NPAS3: variants seen among roughly 807,000 people sequenced by gnomAD.
NPAS3 encodes neuronal PAS domain protein 3.
Under a neutral mutation model 73.1 loss-of-function variants are expected in NPAS3, and 14 were observed. The observed-to-expected ratio is 0.19, with a 90% CI of 0.13 to 0.30. The LOEUF is 0.30. NPAS3 is among the 10% of genes least tolerant of loss of function. NPAS3 has a pLI of 1.00. For synonymous variants in NPAS3, 620 were observed against 541.5 expected, an observed-to-expected ratio of 1.14 and a Z score of -2.01; for missense variants, 1,096 against 1,250.0, an observed-to-expected ratio of 0.88 and a Z score of 1.86.
chr14:33,789,989 T>C (rs1381089107), intron 9 of NPAS3, among the ~76,000 whole-genome samples: 1 of 152,042 alleles, frequency 6.6e-6, no homozygotes, highest in Non-Finnish European at 1.5e-5. Flanking sequence ...TTTTGGAGAG[T>C]AGAAAGTAAA....
intron 4 of NPAS3, among the ~76,000 whole-genome samples, chr14:33,552,747 G>A (rs188044964): frequency 3.2e-4 from 48 of 152,064 alleles, no homozygotes; most frequent in Admixed American, 2.2e-3. Flanking sequence ...TCTAGCCAAA[G>A]CAAAGCAGTG....
intron 7 of NPAS3, among the ~76,000 whole-genome samples, chr14:33,759,878 A>C (rs1028420973): frequency 6.6e-5 from 10 of 152,248 alleles, no homozygotes; most frequent in Non-Finnish European, 1.0e-4. Flanking sequence ...GGCATTTAGC[A>C]TAATGGATAT....
intron 2 of NPAS3, among the ~76,000 whole-genome samples, chr14:33,141,900 A>T (rs532309689): frequency 6.6e-6 from 1 of 152,328 alleles, no homozygotes; most frequent in South Asian, 2.1e-4. Context: ...TGTGAGGATG[A>T]CATCATTTCG....
At chr14:33,119,182 T>C (rs2043154514) in intron 2 of NPAS3, among the ~76,000 whole-genome samples, 1 of 152,104 alleles carries the variant, frequency 6.6e-6, no homozygotes, top group Admixed American at 6.6e-5. Context: ...GCAAATAAAT[T>C]ACATGAAAAT....
intron 3 of NPAS3, among the ~76,000 whole-genome samples, chr14:33,216,845 T>C (rs2047241707): frequency 1.3e-5 from 2 of 152,304 alleles, no homozygotes; most frequent in South Asian, 4.1e-4. Flanking sequence ...AAGGACAGGA[T>C]GTCAGTCAAA....
At chr14:33,552,755 G>A (rs530142741) in intron 4 of NPAS3, among the ~76,000 whole-genome samples, 1 of 152,146 alleles carries the variant, frequency 6.6e-6, no homozygotes, top group Non-Finnish European at 1.5e-5. Flanking sequence ...AAGCAAAGCA[G>A]TGACATTTTT....
chr14:33,089,596 C>A (rs1375111306), intron 2 of NPAS3, among the ~76,000 whole-genome samples: 2 of 152,184 alleles, frequency 1.3e-5, no homozygotes, highest in African/African-American at 4.8e-5. Context: ...TCCAGGAGAA[C>A]TTCCCCAACC....
intron 4 of NPAS3, among the ~76,000 whole-genome samples, chr14:33,488,995 A>C (rs11156793): frequency 0.32 from 47,908 of 152,068 alleles, 13,196 homozygotes; most frequent in African/African-American, 0.74. Flanking sequence ...TTCTCCCTGA[A>C]TGCTATAGCA....
intron 1 of NPAS3, among the ~76,000 whole-genome samples, chr14:32,959,835 A>G (rs973454773): frequency 6.6e-6 from 1 of 152,174 alleles, no homozygotes; most frequent in Non-Finnish European, 1.5e-5. Context: ...GATGGTATCT[A>G]TGTTCTTTCT....
chr14:33,272,874 G>T (rs569187925), intron 3 of NPAS3, among the ~76,000 whole-genome samples: 2 of 152,268 alleles, frequency 1.3e-5, no homozygotes, highest in Admixed American at 6.5e-5. Flanking sequence ...GCTTAAAAAA[G>T]AATCGAAATC....
At chr14:33,270,005 A>T (rs1441903539) in intron 3 of NPAS3, among the ~76,000 whole-genome samples, 4 of 152,098 alleles carry the variant, frequency 2.6e-5, no homozygotes, top group Non-Finnish European at 5.9e-5. Context: ...CTCTCAAGTG[A>T]AACCTGTGAG....
intron 3 of NPAS3, among the ~76,000 whole-genome samples, chr14:33,348,565 A>G (rs1259249765): frequency 6.6e-6 from 1 of 152,224 alleles, no homozygotes; most frequent in African/African-American, 2.4e-5. Context: ...TGAATTGTCC[A>G]GGACAAGATT....
chr14:33,676,347 C>T (rs775522657), exon 6 of NPAS3: 1 of 1,597,126 alleles, frequency 6.3e-7, no homozygotes, highest in Non-Finnish European at 8.5e-7. Flanking sequence ...GGAGCCAGCT[C>T]AGCATCTTCC....
At chr14:33,221,117 C>G (rs1210167955) in intron 3 of NPAS3, among the ~76,000 whole-genome samples, 3 of 152,204 alleles carry the variant, frequency 2.0e-5, no homozygotes, top group Non-Finnish European at 2.9e-5. Flanking sequence ...GCTGGGGGTT[C>G]AGCCTAGCTC....
intron 2 of NPAS3, among the ~76,000 whole-genome samples, chr14:33,088,823 G>A (rs764035380): frequency 5.3e-5 from 8 of 152,260 alleles, no homozygotes; most frequent in East Asian, 1.9e-4. Context: ...CCTCTGAGAC[G>A]AAGCTTCCAG....
intron 3 of NPAS3, among the ~76,000 whole-genome samples, chr14:33,264,819 C>T (rs1272677727): frequency 1.3e-5 from 2 of 152,152 alleles, no homozygotes; most frequent in Non-Finnish European, 2.9e-5. Flanking sequence ...CCCACTTCAT[C>T]AGGGCAGTCT....
At chr14:33,109,025 C>A (rs963320198) in intron 2 of NPAS3, among the ~76,000 whole-genome samples, 1 of 152,014 alleles carries the variant, frequency 6.6e-6, no homozygotes, top group African/African-American at 2.4e-5. Flanking sequence ...TCTTTACAGT[C>A]CTGATTTGAT....
intron 4 of NPAS3, among the ~76,000 whole-genome samples, chr14:33,510,720 A>G (rs1039854966): frequency 1.3e-5 from 2 of 152,042 alleles, no homozygotes; most frequent in African/African-American, 4.8e-5. Context: ...GACTTTTTAT[A>G]TAACGTGTGC....
chr14:32,965,291 A>G lies in NPAS3; in HGVS notation c.50+25925A>G, dbSNP rs149867835. Among the ~76,000 whole-genome samples, 1,034 of 152,300 alleles carry G rather than the reference A, an allele frequency of 6.8e-3. 11 individuals are homozygous for G. Among genetic ancestry groups the G allele is most frequent in the African/African-American group, 0.024 (993 of 41,564 alleles). On this transcript the variant is annotated intron_variant, in intron 1 of 11. Coordinates refer to ENST00000356141, the Ensembl canonical transcript of NPAS3. ...AAAGGCCAGTGTCACAAATTAACAT[A>G]CATGCAAAAATCTTTTAACAAAATA...
Sources: allele counts gnomAD v4.1 joint callset (sites outside exome capture counted in the v4.1 genomes callset), GRCh38; gene constraint gnomAD v4.1.1; transcripts MANE v1.5; gene names NCBI Gene and HGNC (gene_info 2026-07-23, HGNC 2026-07-21).